ANGPT1: variants seen among roughly 807,000 people sequenced by gnomAD.
ANGPT1 encodes the protein angiopoietin-1.
A neutral mutation model predicts 62.2 loss-of-function variants in ANGPT1; 17 were observed. The observed-to-expected ratio is 0.27, with a 90% CI of 0.19 to 0.41. The LOEUF (loss-of-function observed/expected upper bound fraction) is 0.41, where lower values mean the gene tolerates loss of function less well. Among genes scored for constraint, ANGPT1 ranks in the 10% least tolerant of loss-of-function variants. The pLI is 1.00. For synonymous variants in ANGPT1, 199 were observed against 198.9 expected (o/e 1.00, Z 0.00); for missense variants, 478 against 594.9 (o/e 0.80, Z 2.04).
rs199648643 is a variant in ANGPT1, at chr8:107,437,565, G to GTGTA, written c.297+59693_297+59696dup. Among the ~76,000 whole-genome samples, 1,097 of 152,326 alleles carry GTGTA rather than the reference G, an allele frequency of 7.2e-3. 18 individuals are homozygous for GTGTA. Among genetic ancestry groups the GTGTA allele is most frequent in the African/African-American group, 0.025 (1,048 of 41,574 alleles). On this transcript the variant is annotated intron_variant, in intron 1 of 8. Coordinates refer to ENST00000517746, the MANE Select transcript of ANGPT1 (RefSeq NM_001146.5). Reference sequence around the variant, plus strand: ...TTAGAAGATGGGCAGAGTGCTAAATGTGTAAGTCATTATGAACTTGGCACA... The same window carrying GTGTA: ...TTAGAAGATGGGCAGAGTGCTAAATGTGTATGTAAGTCATTATGAACTTGGCACA...
At chr8:107,299,249 G>A (rs1260922370) in intron 5 of ANGPT1, among the ~76,000 whole-genome samples, 1 of 151,008 alleles carries the variant, frequency 6.6e-6, no homozygotes. Context: ...TTAAAAGGGT[G>A]TATCCTAGAA....
At chr8:107,467,958 T>C (rs945582808) in intron 1 of ANGPT1, among the ~76,000 whole-genome samples, 1 of 152,164 alleles carries the variant, frequency 6.6e-6, no homozygotes, top group Non-Finnish European at 1.5e-5. Flanking sequence ...AGAAATCTGA[T>C]GCTCGGAAAG....
At chr8:107,454,153 C>T (rs1233955079) in intron 1 of ANGPT1, among the ~76,000 whole-genome samples, 3 of 151,996 alleles carry the variant, frequency 2.0e-5, no homozygotes, top group Admixed American at 6.6e-5. Context: ...GGTGCATTCC[C>T]AGGCAAATGG....
At chr8:107,488,043 TTAGA>T (rs1812859505) in intron 1 of ANGPT1, among the ~76,000 whole-genome samples, 1 of 152,170 alleles carries the variant, frequency 6.6e-6, no homozygotes, top group African/African-American at 2.4e-5. Context: ...AATTAAAGGA[TTAGA>T]TAAATTATAG....
chr8:107,450,705 GGT>G (rs140884696), intron 1 of ANGPT1, among the ~76,000 whole-genome samples: 17 of 142,368 alleles, frequency 1.2e-4, no homozygotes, highest in African/African-American at 2.9e-4. Flanking sequence ...AATGGGAATA[GGT>G]GTGTGTGTGT....
intron 8 of ANGPT1, among the ~76,000 whole-genome samples, chr8:107,263,409 A>T (rs1813542624): frequency 6.6e-6 from 1 of 151,934 alleles, no homozygotes; most frequent in Admixed American, 6.6e-5. Flanking sequence ...TAAAATTAAA[A>T]CAAACTAACA....
chr8:107,266,299 T>G (rs563695163), intron 7 of ANGPT1, among the ~76,000 whole-genome samples: 1 of 152,312 alleles, frequency 6.6e-6, no homozygotes, highest in South Asian at 2.1e-4. Context: ...TTCAATTCAA[T>G]CACTTCTTTG....
chr8:107,276,263 A>G (rs1329223029), intron 7 of ANGPT1, among the ~76,000 whole-genome samples: 1 of 152,204 alleles, frequency 6.6e-6, no homozygotes, highest in East Asian at 1.9e-4. Flanking sequence ...GAAAACACAA[A>G]TAAGACTCTT....
chr8:107,404,243 T>A (rs911138276), intron 1 of ANGPT1, among the ~76,000 whole-genome samples: 4 of 152,180 alleles, frequency 2.6e-5, no homozygotes, highest in Non-Finnish European at 5.9e-5. Context: ...CTTGAGTCAC[T>A]GATCATTTTA....
At chr8:107,394,450 T>C (rs189183102) in intron 1 of ANGPT1, among the ~76,000 whole-genome samples, 39 of 152,266 alleles carry the variant, frequency 2.6e-4, no homozygotes, top group Admixed American at 7.2e-4. Context: ...CAGTGATCTA[T>C]TGAAATAGCC....
intron 1 of ANGPT1, among the ~76,000 whole-genome samples, chr8:107,396,953 G>A (rs570295945): frequency 6.6e-6 from 1 of 152,206 alleles, no homozygotes; most frequent in South Asian, 2.1e-4. Flanking sequence ...ATCTAGTAGT[G>A]AGGATGTTCA....
chr8:107,495,195 T>C (rs887195301), intron 1 of ANGPT1, among the ~76,000 whole-genome samples: 2 of 152,116 alleles, frequency 1.3e-5, no homozygotes, highest in Admixed American at 6.5e-5. Flanking sequence ...ACATTGACAA[T>C]GACAAAAGAT....
intron 7 of ANGPT1, among the ~76,000 whole-genome samples, chr8:107,275,146 A>G (rs1813831757): frequency 6.6e-6 from 1 of 152,162 alleles, no homozygotes; most frequent in Admixed American, 6.6e-5. Context: ...GTTGTTGCTC[A>G]TATTTACCAA....
chr8:107,433,095 T>A (rs1306198014), intron 1 of ANGPT1, among the ~76,000 whole-genome samples: 2 of 152,232 alleles, frequency 1.3e-5, no homozygotes, highest in Non-Finnish European at 2.9e-5. Flanking sequence ...AAAGACTTTT[T>A]AAGCATTTAA....
At chr8:107,474,872 T>G (rs1390474747) in intron 1 of ANGPT1, among the ~76,000 whole-genome samples, 1 of 152,128 alleles carries the variant, frequency 6.6e-6, no homozygotes, top group Non-Finnish European at 1.5e-5. Context: ...GAATTCAACT[T>G]ACAAGGGATG....
At chr8:107,427,765 C>T (rs1811076711) in intron 1 of ANGPT1, among the ~76,000 whole-genome samples, 1 of 152,128 alleles carries the variant, frequency 6.6e-6, no homozygotes. Context: ...CTGGGTAAGA[C>T]CAAGTTCCTG....
chr8:107,352,829 G>A (rs71524707), intron 1 of ANGPT1, among the ~76,000 whole-genome samples: 11,560 of 151,794 alleles, frequency 0.076, 464 homozygotes, highest in East Asian at 0.11. Context: ...AAAGCAAAAG[G>A]GTAAATATGG....
chr8:107,396,483 A>G (rs1013707271), intron 1 of ANGPT1, among the ~76,000 whole-genome samples: 3 of 140,872 alleles, frequency 2.1e-5, no homozygotes, highest in Non-Finnish European at 4.7e-5. Context: ...CGTCCTTTTT[A>G]GTTAGCCTTT....
At chr8:107,374,860 G>C (rs1302216940) in intron 1 of ANGPT1, among the ~76,000 whole-genome samples, 1 of 152,152 alleles carries the variant, frequency 6.6e-6, no homozygotes, top group Non-Finnish European at 1.5e-5. Flanking sequence ...TAGCTAGGGA[G>C]ATAAGAAATG....
Sources: allele counts gnomAD v4.1 joint callset (sites outside exome capture counted in the v4.1 genomes callset), GRCh38; gene constraint gnomAD v4.1.1; transcripts MANE v1.5; gene names NCBI Gene and HGNC (gene_info 2026-07-23, HGNC 2026-07-21).